The following KIF6 variants were observed in gnomAD, a reference collection of about 807,000 sequenced individuals.
KIF6 encodes kinesin family member 6.
In KIF6, 106 loss-of-function variants were observed where a neutral mutation model predicts 112.7. The observed-to-expected ratio is 0.94, with a 90% CI of 0.80 to 1.11. The LOEUF (loss-of-function observed/expected upper bound fraction) is 1.11. Ranked by LOEUF, KIF6 falls within the 50% of genes least tolerant of loss-of-function variation. KIF6 has a pLI of 0.00. For missense variants in KIF6, 929 were observed against 964.0 expected, an observed-to-expected ratio of 0.96 and a Z score of 0.48; for synonymous variants, 339 against 339.9, an observed-to-expected ratio of 1.00 and a Z score of 0.03.
intron 3 of KIF6, among the ~76,000 whole-genome samples, chr6:39,675,179 A>G (rs1455105819): frequency 6.6e-6 from 1 of 152,180 alleles, no homozygotes; most frequent in East Asian, 1.9e-4. Context: ...CCTGGGGCAC[A>G]CATAGGAGTG....
At chr6:39,553,225 C>T (rs970603367) in intron 10 of KIF6, among the ~76,000 whole-genome samples, 5 of 152,132 alleles carry the variant, frequency 3.3e-5, no homozygotes, top group Non-Finnish European at 7.3e-5. Context: ...TTGGAATGAG[C>T]TCTTTTTTTA....
intron 10 of KIF6, among the ~76,000 whole-genome samples, chr6:39,547,277 A>G (rs371732553): frequency 6.6e-5 from 10 of 152,294 alleles, no homozygotes; most frequent in South Asian, 4.1e-4. Context: ...GACATGTGAC[A>G]GCTATATATT....
At chr6:39,530,020 C>T (rs1378966111) in intron 13 of KIF6, among the ~76,000 whole-genome samples, 2 of 152,206 alleles carry the variant, frequency 1.3e-5, no homozygotes, top group African/African-American at 2.4e-5. Flanking sequence ...CTGCTTAGAG[C>T]ACTTGTTATT....
rs919759127 is a variant in KIF6 at position 39,419,981 on chromosome 6, C to T, written c.1777G>A (p.Gly593Arg). Residue 593 changes from glycine to arginine, a missense_variant, in exon 15 of 23, where the codon GGA becomes AGA. By Grantham distance (125) the Gly-to-Arg change is moderately radical. Transcript: ENST00000287152. ...KQRFSEAKAL[G>R]ESINEARSKI... Reference sequence around the variant, plus strand: ...CTTCTTGCTTCATTTATACTTTCTCCCAGGGCCTTGGCTTCAGAAAATCTG... The same window carrying T: ...CTTCTTGCTTCATTTATACTTTCTCTCAGGGCCTTGGCTTCAGAAAATCTG... 5 of 1,613,404 alleles carry T rather than the reference C, an allele frequency of 3.1e-6. No individual in the cohort carries two copies. The highest frequency in any genetic ancestry group is 1.1e-5 in the South Asian group (1 of 91,054).
chr6:39,646,226 AC>A (rs1415772606), intron 3 of KIF6, among the ~76,000 whole-genome samples: 4 of 151,996 alleles, frequency 2.6e-5, no homozygotes, highest in African/African-American at 9.7e-5. Context: ...AAAGTAATCA[AC>A]AACAAATCAT....
chr6:39,712,067 T>C (rs536446644), intron 3 of KIF6, among the ~76,000 whole-genome samples: 1 of 150,760 alleles, frequency 6.6e-6, no homozygotes, highest in Non-Finnish European at 1.5e-5. Flanking sequence ...GGAAAAAAAA[T>C]TAGGGAGTAT....
intron 3 of KIF6, among the ~76,000 whole-genome samples, chr6:39,704,242 A>C (rs1789051230): frequency 6.6e-6 from 1 of 152,238 alleles, no homozygotes; most frequent in Non-Finnish European, 1.5e-5. Flanking sequence ...ATACTGGGGC[A>C]TGTGATTTTC....
At chr6:39,717,132 G>A (rs148121948) in intron 2 of KIF6, among the ~76,000 whole-genome samples, 50 of 152,204 alleles carry the variant, frequency 3.3e-4, no homozygotes, top group Non-Finnish European at 6.8e-4. Flanking sequence ...TAAAACATAA[G>A]TGAGATAATT....
chr6:39,469,819 A>G (rs1483257831), intron 13 of KIF6, among the ~76,000 whole-genome samples: 1 of 152,244 alleles, frequency 6.6e-6, no homozygotes, highest in African/African-American at 2.4e-5. Context: ...GGAAACTAAC[A>G]TAATCAAAGA....
At chr6:39,484,532 C>T (rs772343392) in intron 13 of KIF6, among the ~76,000 whole-genome samples, 3 of 152,014 alleles carry the variant, frequency 2.0e-5, no homozygotes, top group East Asian at 1.9e-4. Flanking sequence ...CAAGAAATGG[C>T]GGGAGATGGA....
intron 10 of KIF6, among the ~76,000 whole-genome samples, chr6:39,547,986 C>T (rs1779155110): frequency 6.6e-6 from 1 of 152,150 alleles, no homozygotes; most frequent in Non-Finnish European, 1.5e-5. Context: ...TCCCTGAATA[C>T]ATAGCAGAAA....
intron 13 of KIF6, among the ~76,000 whole-genome samples, chr6:39,462,087 G>T (rs1773514629): frequency 6.6e-6 from 1 of 152,170 alleles, no homozygotes; most frequent in African/African-American, 2.4e-5. Context: ...GAATGGTGCA[G>T]CTCTGGAGGC....
intron 7 of KIF6, 21 bp downstream of exon 7, chr6:39,596,033 A>C: frequency 9.4e-6 from 15 of 1,587,902 alleles, no homozygotes; most frequent in African/African-American, 1.3e-5. Flanking sequence ...TTATTAATAC[A>C]TCCCACTCTG....
chr6:39,438,445 G>C (rs1317794842), intron 13 of KIF6, among the ~76,000 whole-genome samples: 2 of 152,134 alleles, frequency 1.3e-5, no homozygotes, highest in Admixed American at 6.6e-5. Flanking sequence ...AGTGGGACAA[G>C]GTGTGGAGGT....
At chr6:39,532,599 G>GA (rs34497301) in intron 13 of KIF6, among the ~76,000 whole-genome samples, 1 of 152,026 alleles carries the variant, frequency 6.6e-6, no homozygotes, top group Non-Finnish European at 1.5e-5. Context: ...CCATGTTGCT[G>GA]AAAAAATATT....
intron 3 of KIF6, among the ~76,000 whole-genome samples, chr6:39,674,192 T>G (rs1786999937): frequency 6.6e-6 from 1 of 152,194 alleles, no homozygotes. Context: ...TTAAATGAAT[T>G]TATTAACAAT....
intron 22 of KIF6, among the ~76,000 whole-genome samples, chr6:39,337,060 CTT>C (rs1452992561): frequency 5.3e-5 from 6 of 112,366 alleles, no homozygotes; most frequent in East Asian, 3.2e-4. Flanking sequence ...TTCTTTCTTT[CTT>C]TCTTTCTCTT....
chr6:39,439,267 TG>T (rs1242584165), intron 13 of KIF6, among the ~76,000 whole-genome samples: 1 of 152,370 alleles, frequency 6.6e-6, no homozygotes, highest in Non-Finnish European at 1.5e-5. Context: ...TTGTTTAGTC[TG>T]TCAGACTCAG....
intron 13 of KIF6, among the ~76,000 whole-genome samples, chr6:39,506,155 T>C (rs1582003434): frequency 6.6e-6 from 1 of 152,170 alleles, no homozygotes; most frequent in Non-Finnish European, 1.5e-5. Flanking sequence ...ATATACACCA[T>C]GGAATACTAT....
Sources: allele counts gnomAD v4.1 joint callset (sites outside exome capture counted in the v4.1 genomes callset), GRCh38; gene constraint gnomAD v4.1.1; transcripts MANE v1.5; gene names NCBI Gene and HGNC (gene_info 2026-07-23, HGNC 2026-07-21).